DPP10: variants seen among roughly 807,000 people sequenced by gnomAD.
DPP10 encodes the protein dipeptidyl peptidase like 10, also known as inactive dipeptidyl peptidase 10.
Under a neutral mutation model 120.9 loss-of-function variants are expected in DPP10, and 33 were observed. The observed-to-expected ratio is 0.27, with a 90% CI of 0.21 to 0.37. The LOEUF is 0.37. Among genes scored for constraint, DPP10 ranks in the 10% least tolerant of loss-of-function variants. The pLI, the probability that DPP10 is intolerant of heterozygous loss-of-function variation, is 1.00. For missense variants in DPP10, 816 were observed against 942.8 expected, an observed-to-expected ratio of 0.87 and a Z score of 1.76; for synonymous variants, 337 against 326.1, an observed-to-expected ratio of 1.03 and a Z score of -0.36.
rs376982942 is a variant in DPP10, at chr2:115,290,783, G to C, written c.61-18456G>C. On this transcript the variant is annotated intron_variant, in intron 1 of 25. Coordinates refer to ENST00000410059, the MANE Select transcript of DPP10 (RefSeq NM_020868.6). ...ATAATCATGCACTTGCAACAAGATTGTCTCTGACTTCTCTAACACTCTAGC... is the reference window on the plus strand; with the variant it reads ...ATAATCATGCACTTGCAACAAGATTCTCTCTGACTTCTCTAACACTCTAGC... 1.1e-4 allele frequency among the ~76,000 whole-genome samples: 16 copies of C among 152,214 alleles called. No homozygotes were observed. In the East Asian group the frequency reaches 2.7e-3, roughly 26 times the overall value.
At chr2:115,803,157 G>C (rs144024909) in intron 19 of DPP10, among the ~76,000 whole-genome samples, 6 of 152,134 alleles carry the variant, frequency 3.9e-5, no homozygotes, top group Non-Finnish European at 7.4e-5. Flanking sequence ...AGTTCTTCTT[G>C]TTGAATTGAT....
At chr2:115,304,498 T>C (rs959544319) in intron 1 of DPP10, among the ~76,000 whole-genome samples, 1 of 152,086 alleles carries the variant, frequency 6.6e-6, no homozygotes, top group Non-Finnish European at 1.5e-5. Flanking sequence ...AATCTATTTT[T>C]GTTAAAACAC....
chr2:114,587,369 A>G (rs886139261), intron 1 of DPP10, among the ~76,000 whole-genome samples: 1 of 151,346 alleles, frequency 6.6e-6, no homozygotes, highest in Non-Finnish European at 1.5e-5. Flanking sequence ...AGCCTCAGTT[A>G]TTCCTTTATA....
intron 5 of DPP10, among the ~76,000 whole-genome samples, chr2:115,604,675 C>G (rs2083579780): frequency 1.4e-5 from 2 of 143,018 alleles, no homozygotes; most frequent in Non-Finnish European, 3.0e-5. Context: ...TTTCACAACC[C>G]TACATCTGCA....
intron 1 of DPP10, among the ~76,000 whole-genome samples, chr2:114,966,090 C>T (rs1699014349): frequency 6.6e-6 from 1 of 151,674 alleles, no homozygotes; most frequent in Non-Finnish European, 1.5e-5. Flanking sequence ...ATTTGAAAAC[C>T]AGATACAGAA....
intron 1 of DPP10, among the ~76,000 whole-genome samples, chr2:114,473,891 TTA>T (rs1680150510): frequency 6.6e-6 from 1 of 152,162 alleles, no homozygotes; most frequent in Non-Finnish European, 1.5e-5. Context: ...ATACACACAC[TTA>T]TATACATTTG....
At chr2:114,611,192 A>T (rs774561263) in intron 1 of DPP10, among the ~76,000 whole-genome samples, 102 of 152,132 alleles carry the variant, frequency 6.7e-4, no homozygotes, top group Non-Finnish European at 9.6e-4. Flanking sequence ...CCCTGCTCTG[A>T]CAGGCAAGCA....
intron 5 of DPP10, among the ~76,000 whole-genome samples, chr2:115,653,044 C>A (rs2087947226): frequency 6.6e-6 from 1 of 151,976 alleles, no homozygotes; most frequent in Admixed American, 6.6e-5. Flanking sequence ...GGGGAAAGCA[C>A]AAATGATGAT....
intron 1 of DPP10, among the ~76,000 whole-genome samples, chr2:115,219,476 C>T (rs1021405295): frequency 1.7e-4 from 26 of 152,052 alleles, no homozygotes; most frequent in Non-Finnish European, 2.9e-4. Flanking sequence ...GTATACACCT[C>T]CACTCTTACT....
At chr2:115,122,760 A>G (rs1264759594) in intron 1 of DPP10, among the ~76,000 whole-genome samples, 1 of 152,180 alleles carries the variant, frequency 6.6e-6, no homozygotes, top group Non-Finnish European at 1.5e-5. Context: ...AACCTTGAAC[A>G]TTACACGGCC....
At position 114,631,869 on chromosome 2, in the gene DPP10, T is replaced by C. The variant is rs567640925; in HGVS notation, c.60+189031T>C. Among the ~76,000 whole-genome samples the C allele has an allele frequency of 8.9e-4, 135 of 152,312 alleles. No homozygotes were observed. The Middle Eastern group carries it at 0.031, about 35-fold the overall frequency. On this transcript the variant is annotated intron_variant, in intron 1 of 25. Coordinates refer to ENST00000410059, the MANE Select transcript of DPP10 (RefSeq NM_020868.6). ...GTGTCTTTGTAGCTGTTGTCATTTA[T>C]TCACTTATGTATTTAATTAGTATCT... is the stretch of plus-strand genomic sequence containing the variant.
chr2:115,372,195 A>G (rs2065459025), intron 3 of DPP10, among the ~76,000 whole-genome samples: 1 of 152,148 alleles, frequency 6.6e-6, no homozygotes, highest in Non-Finnish European at 1.5e-5. Flanking sequence ...TATTATTCTC[A>G]ATATGAATTA....
At chr2:114,609,210 C>T (rs531545878) in intron 1 of DPP10, among the ~76,000 whole-genome samples, 6 of 152,156 alleles carry the variant, frequency 3.9e-5, no homozygotes, top group South Asian at 4.2e-4. Context: ...TTTGGAGTGG[C>T]GGAGACCTAT....
intron 1 of DPP10, among the ~76,000 whole-genome samples, chr2:115,020,824 G>C (rs10186014): frequency 0.017 from 2,590 of 152,060 alleles, 69 homozygotes; most frequent in African/African-American, 0.06. Context: ...AGTATTCTCT[G>C]AGACCACAGT....
At chr2:115,237,484 C>A (rs1158565782) in intron 1 of DPP10, among the ~76,000 whole-genome samples, 1 of 152,064 alleles carries the variant, frequency 6.6e-6, no homozygotes, top group Admixed American at 6.6e-5. Context: ...ATCCTATAGT[C>A]ACCTCTAAGT....
chr2:115,817,326 T>A, intron 21 of DPP10, among the ~76,000 whole-genome samples: 1 of 152,178 alleles, frequency 6.6e-6, no homozygotes, highest in Non-Finnish European at 1.5e-5. Flanking sequence ...AAATTCTTGG[T>A]GTTCATGGAT....
intron 5 of DPP10, among the ~76,000 whole-genome samples, chr2:115,673,526 GC>G (rs1191387764): frequency 6.6e-6 from 1 of 152,150 alleles, no homozygotes; most frequent in Non-Finnish European, 1.5e-5. Flanking sequence ...CAAGTTAGGT[GC>G]CTTAACCAAG....
chr2:115,337,661 TAAAAAAAAAAA>T (rs11458121), intron 2 of DPP10, among the ~76,000 whole-genome samples: 1 of 71,684 alleles, frequency 1.4e-5, no homozygotes, highest in African/African-American at 5.6e-5. Flanking sequence ...AGGCTGCTCA[TAAAAAAAAAAA>T]AAAAAAAAAA....
intron 1 of DPP10, among the ~76,000 whole-genome samples, chr2:115,083,811 C>A (rs1277541269): frequency 6.6e-6 from 1 of 152,186 alleles, no homozygotes; most frequent in Non-Finnish European, 1.5e-5. Context: ...AACTACACAG[C>A]CAGCCATTGC....
Sources: allele counts gnomAD v4.1 joint callset (sites outside exome capture counted in the v4.1 genomes callset), GRCh38; gene constraint gnomAD v4.1.1; transcripts MANE v1.5; gene names NCBI Gene and HGNC (gene_info 2026-07-23, HGNC 2026-07-21).